Variants in DHRS7 observed in about 807,000 individuals in gnomAD.
The protein encoded by DHRS7 is dehydrogenase/reductase 7, also known as dehydrogenase/reductase SDR family member 7.
A neutral mutation model predicts 38.9 loss-of-function variants in DHRS7; 34 were observed. The observed-to-expected ratio is 0.87, with a 90% confidence interval of 0.66 to 1.16. The LOEUF is 1.16. Ranked by LOEUF, DHRS7 falls within the 50% of genes most tolerant of loss-of-function variation. The pLI is 0.00. For missense variants in DHRS7, 421 were observed against 407.0 expected (o/e 1.03, Z -0.30); for synonymous variants, 158 against 153.1 (o/e 1.03, Z -0.24).
chr14:60,165,541 G>T, upstream of DHRS7: 5 of 1,270,410 alleles, frequency 3.9e-6, no homozygotes, highest in Non-Finnish European at 4.0e-6. This position sits in a 1 kb window ranked among gnomAD's most constrained non-coding sequence, Gnocchi z 4.6. Context: ...CACCCGGCGG[G>T]GCCGGCAGAT....
intron 4 of DHRS7, chr14:60,152,579 C>A: frequency 9.4e-6 from 2 of 212,810 alleles, no homozygotes; most frequent in South Asian, 7.8e-5. Context: ...AGAAGTGGAC[C>A]CCCAATTTTC....
At chr14:60,155,427 C>A (rs1355960174) in intron 2 of DHRS7, among the ~76,000 whole-genome samples, 3 of 152,112 alleles carry the variant, frequency 2.0e-5, no homozygotes, top group Non-Finnish European at 4.4e-5. Context: ...CCAGCCTGGG[C>A]AACAAAGTGA....
chr14:60,152,761 C>A (rs1272758049), intron 4 of DHRS7, 178 bp downstream of exon 4: 1 of 623,968 alleles, frequency 1.6e-6, no homozygotes, highest in Non-Finnish European at 2.8e-6. Context: ...AAGTTAGAGG[C>A]ATGTGTGGAT....
At chr14:60,156,932 T>C (rs1454524577) in intron 1 of DHRS7, among the ~76,000 whole-genome samples, 1 of 152,206 alleles carries the variant, frequency 6.6e-6, no homozygotes, top group African/African-American at 2.4e-5. Flanking sequence ...TTTATTCTTT[T>C]CTCCAATGAA....
rs561475717 is a variant in DHRS7, at chr14:60,150,046, C to G, written c.756+19G>C. The G allele has an allele frequency of 1.3e-6, 2 of 1,594,090 alleles. No homozygotes were observed. Among genetic ancestry groups the G allele is most frequent in the African/African-American group, 1.4e-5 (1 of 73,410 alleles). On this transcript the variant is annotated intron_variant, in intron 5 of 6. Transcript: ENST00000557185. ...ATAACTAGTAAACATTCAAATTATTCCCAACTAGAAATTTTTACCTTTGTG... is the reference window on the plus strand; with the variant it reads ...ATAACTAGTAAACATTCAAATTATTGCCAACTAGAAATTTTTACCTTTGTG...
chr14:60,165,272 C>G lies in DHRS7; in HGVS notation c.38G>C (p.Cys13Ser), dbSNP rs1896846087. ...CTGCACCAAGAGCAGGAGCAGCGCG[C>G]ACAGCACCAGCAGCCACAGCAGCAG... ...WELLLWLLVLCALLLLLVQLL... is the reference protein window; with the variant it reads ...WELLLWLLVLSALLLLLVQLL... Residue 13 changes from cysteine to serine, a missense_variant, in exon 1 of 7, where the codon TGC becomes TCC. Transcript: ENST00000557185. This position sits in a 1 kb window ranked among gnomAD's most constrained non-coding sequence, Gnocchi z 4.6. 1.9e-6 allele frequency: 3 copies of G among 1,601,838 alleles called. No individual in the cohort carries two copies. Among genetic ancestry groups the G allele is most frequent in the Non-Finnish European group, 2.5e-6 (3 of 1,176,688 alleles).
intron 1 of DHRS7, among the ~76,000 whole-genome samples, chr14:60,160,187 G>A (rs1376893479): frequency 2.0e-5 from 3 of 151,958 alleles, no homozygotes; most frequent in South Asian, 2.1e-4. Context: ...TTAGCTGGGC[G>A]TGGTGGTGGG....
intron 2 of DHRS7, 194 bp downstream of exon 2, chr14:60,155,806 A>G: frequency 7.1e-6 from 3 of 423,920 alleles, no homozygotes; most frequent in Non-Finnish European, 1.2e-5. Context: ...CAAAAAAAGC[A>G]TAGAAAGGTG....
At chr14:60,167,498 G>T (rs1429120628), upstream of DHRS7, among the ~76,000 whole-genome samples, 1 of 146,966 alleles carries the variant, frequency 6.8e-6, no homozygotes, top group African/African-American at 2.4e-5. Flanking sequence ...ATGGTCTGGG[G>T]TCAGGCCCAT....
At chr14:60,169,024 G>T, upstream of DHRS7, 1 of 264,476 alleles carries the variant, frequency 3.8e-6, no homozygotes, top group African/African-American at 2.2e-5. Context: ...GAGACTGCCT[G>T]GAAGGCAGAA....
chr14:60,152,627 T>G (rs1038653413), intron 4 of DHRS7: 3 of 325,516 alleles, frequency 9.2e-6, no homozygotes, highest in Non-Finnish European at 5.8e-6. Flanking sequence ...AGGTGAAGAG[T>G]AACATGTTAA....
At chr14:60,164,922 C>T (rs1203718197) in intron 1 of DHRS7, among the ~76,000 whole-genome samples, 2 of 152,236 alleles carry the variant, frequency 1.3e-5, no homozygotes, top group Non-Finnish European at 2.9e-5. Context: ...GTTTGGCACT[C>T]CCTGGAGAGG....
intron 1 of DHRS7, among the ~76,000 whole-genome samples, chr14:60,164,713 G>A (rs762556549): frequency 3.9e-5 from 6 of 152,224 alleles, no homozygotes; most frequent in Admixed American, 1.3e-4. Flanking sequence ...CTGCAGGAGT[G>A]GGAAGTGGAG....
At chr14:60,168,679 C>A (rs1464687992), upstream of DHRS7, 2 of 1,542,504 alleles carry the variant, frequency 1.3e-6, no homozygotes, top group African/African-American at 1.4e-5. Flanking sequence ...TCTCTTTTTT[C>A]TCCCCTCTCC....
At chr14:60,164,271 C>CA (rs879623187) in intron 1 of DHRS7, among the ~76,000 whole-genome samples, 3 of 144,694 alleles carry the variant, frequency 2.1e-5, no homozygotes, top group Non-Finnish European at 3.0e-5. Flanking sequence ...ACGCCCCCCC[C>CA]AAACATAGTC....
upstream of DHRS7, chr14:60,165,534 C>A (rs556411775): frequency 1.1e-4 from 134 of 1,271,782 alleles, 1 homozygote; most frequent in South Asian, 3.4e-3. This position sits in a 1 kb window ranked among gnomAD's most constrained non-coding sequence, Gnocchi z 4.6. Flanking sequence ...TGCGGCACAC[C>A]CGGCGGGGCC....
chr14:60,168,532 G>A (rs765408424), upstream of DHRS7, among the ~76,000 whole-genome samples: 5 of 152,214 alleles, frequency 3.3e-5, no homozygotes, highest in Admixed American at 6.5e-5. Context: ...CAGAGTACAC[G>A]TCTGTTCCAT....
chr14:60,169,367 G>C (rs1896906401), upstream of DHRS7, among the ~76,000 whole-genome samples: 1 of 152,102 alleles, frequency 6.6e-6, no homozygotes, highest in African/African-American at 2.4e-5. Flanking sequence ...GTTGTATCAG[G>C]GTTGATCACT....
At chr14:60,157,785 G>A (rs1021956080) in intron 1 of DHRS7, among the ~76,000 whole-genome samples, 2 of 152,072 alleles carry the variant, frequency 1.3e-5, no homozygotes, top group Middle Eastern at 3.2e-3. Flanking sequence ...TGGCAGAGCC[G>A]GGATATAAGC....
Sources: allele counts gnomAD v4.1 joint callset (sites outside exome capture counted in the v4.1 genomes callset), GRCh38; gene constraint gnomAD v4.1.1; non-coding constraint Gnocchi (gnomAD v3.1); transcripts MANE v1.5; gene names NCBI Gene and HGNC (gene_info 2026-07-23, HGNC 2026-07-21).